ITGA5: variants seen among roughly 807,000 people sequenced by gnomAD.
ITGA5 encodes the protein integrin alpha-5.
ITGA5 carries 55 observed loss-of-function variants against 146.3 expected under a neutral mutation model. The ratio of observed to expected loss-of-function variants is 0.38; its 90% confidence interval spans 0.30 to 0.47. The LOEUF is 0.47. Ranked by LOEUF, ITGA5 falls within the 20% of genes least tolerant of loss-of-function variation. The pLI, the probability that ITGA5 is intolerant of heterozygous loss-of-function variation, is 0.99. For synonymous variants in ITGA5, 500 were observed against 531.8 expected, an observed-to-expected ratio of 0.94 and a Z score of 0.82; for missense variants, 1,131 against 1,329.0, an observed-to-expected ratio of 0.85 and a Z score of 2.32.
rs562290850 is a variant in ITGA5 at position 54,401,838 on chromosome 12, C to T, written c.2244G>A (p.Arg748=). ...KAGASLWGGL[R]FTVPHLRDTK... Reference sequence around the variant, plus strand: ...TGTCCCGGAGATGAGGGACTGTAAACCGAAGGCCACCCCACAGCTGGGGAC... The same window carrying T: ...TGTCCCGGAGATGAGGGACTGTAAATCGAAGGCCACCCCACAGCTGGGGAC... Residue 748 remains arginine (R), a synonymous_variant, in exon 22 of 30, where the codon CGG becomes CGA. Coordinates refer to ENST00000293379, the MANE Select transcript of ITGA5 (RefSeq NM_002205.5). The surrounding 1 kb of genome is among the most constrained non-coding windows in gnomAD (Gnocchi z 5.0). The T allele has an allele frequency of 1.2e-6, 2 of 1,614,142 alleles. No individual in the cohort carries two copies. The highest frequency in any genetic ancestry group is 2.2e-5 in the East Asian group (1 of 44,880).
intron 25 of ITGA5, chr12:54,400,631 CAAA>C (rs1052411256): frequency 1.9e-6 from 1 of 517,210 alleles, no homozygotes; most frequent in Non-Finnish European, 3.4e-6. Context: ...TGCCGGGAAA[CAAA>C]GAAGGGATAG....
intron 1 of ITGA5, among the ~76,000 whole-genome samples, chr12:54,418,516 C>T (rs958608988): frequency 9.9e-5 from 15 of 152,022 alleles, no homozygotes; most frequent in African/African-American, 3.6e-4. Context: ...GTAGCTCATT[C>T]GGCTTCTACC....
At chr12:54,405,827 T>C in intron 10 of ITGA5, 43 bp downstream of exon 10, 1 of 1,606,916 alleles carries the variant, frequency 6.2e-7, no homozygotes, top group East Asian at 2.2e-5. Flanking sequence ...TGGGGCTTCG[T>C]TGACAGAGGC....
intron 28 of ITGA5, among the ~76,000 whole-genome samples, chr12:54,397,951 G>T (rs1955733670): frequency 6.6e-6 from 1 of 150,566 alleles, no homozygotes; most frequent in East Asian, 1.9e-4. Context: ...AGGCTGGAGT[G>T]CAGTGGTGTG....
chr12:54,404,474 A>C lies in ITGA5; in HGVS notation c.1419T>G (p.Asp473Glu), dbSNP rs201235779. Residue 473 changes from aspartate (D) to glutamate (E), a missense_variant and splice_region_variant, in exon 14 of 30, where the codon GAT becomes GAG. By Grantham distance (45) the Asp-to-Glu change is conservative. This residue lies in a region of ITGA5 where 889 missense variants were observed against 1,021.5 expected (regional missense o/e 0.87). Coordinates refer to ENST00000293379, the MANE Select transcript of ITGA5 (RefSeq NM_002205.5). ...CCACACCAAAGGACCCCACAATCAG[A>C]TCTGTAAGAAGTCAAGAAATCACCT... ...GRDLDGNGYP[D>E]LIVGSFGVDK... 2.5e-6 allele frequency: 4 copies of C among 1,614,072 alleles called. No homozygotes were observed. Among genetic ancestry groups the C allele is most frequent in the Non-Finnish European group, 3.4e-6 (4 of 1,180,002 alleles).
intron 6 of ITGA5, among the ~76,000 whole-genome samples, 159 bp downstream of exon 6, chr12:54,408,597 G>A (rs1955898093): frequency 6.6e-6 from 1 of 151,656 alleles, no homozygotes; most frequent in South Asian, 2.1e-4. Flanking sequence ...GCGGTGGCAG[G>A]CGCCTGTAAT....
Position 54,401,362 on chromosome 12 carries a change from T to TC in ITGA5, c.2493+10dup. 6.3e-7 allele frequency: 1 copy of TC among 1,581,634 alleles called. No homozygotes were observed. Among genetic ancestry groups the TC allele is most frequent in the Non-Finnish European group, 8.7e-7 (1 of 1,150,792 alleles). ...CATCATTCATTCTGGCCCTGCCCCT[T>TC]CCCCCCTTACCTCATAGACATGGTG... On this transcript the variant is annotated intron_variant, in intron 24 of 29. Transcript: ENST00000293379. This position sits in a 1 kb window ranked among gnomAD's most constrained non-coding sequence, Gnocchi z 5.0.
chr12:54,395,715 GC>G lies in ITGA5; in HGVS notation c.*577del, dbSNP rs1299712555. On this transcript the variant is annotated 3_prime_UTR_variant, in exon 30 of 30. Coordinates refer to ENST00000293379, the MANE Select transcript of ITGA5 (RefSeq NM_002205.5). ...GATTCCCCTTGGAGCTGGGCTCTGGGCCCTGGGCCAGCATCTATCCTTGTGT... is the reference window on the plus strand; with the variant it reads ...GATTCCCCTTGGAGCTGGGCTCTGGGCCTGGGCCAGCATCTATCCTTGTGT... The G allele has an allele frequency of 4.8e-5, 7 of 146,464 alleles. No individual in the cohort carries two copies. Among genetic ancestry groups the G allele is most frequent in the Middle Eastern group, 3.2e-3 (1 of 314 alleles). 9.1% of individuals were successfully genotyped at this position (146,464 alleles called of 1,614,324 possible).
chr12:54,413,199 G>A (rs960215061), intron 1 of ITGA5: 5 of 152,542 alleles, frequency 3.3e-5, no homozygotes, highest in African/African-American at 1.2e-4. Context: ...TTATGGTAGA[G>A]GTCACAAGAG....
intron 1 of ITGA5, among the ~76,000 whole-genome samples, chr12:54,414,535 A>G (rs755856077): frequency 1.3e-5 from 2 of 151,986 alleles, no homozygotes; most frequent in Non-Finnish European, 2.9e-5. Flanking sequence ...GCAGCTATAG[A>G]TGTTTTTGGT....
intron 1 of ITGA5, among the ~76,000 whole-genome samples, chr12:54,417,102 T>C (rs1163113789): frequency 2.0e-5 from 3 of 151,472 alleles, no homozygotes; most frequent in Non-Finnish European, 4.4e-5. Context: ...TGGGTTCTCT[T>C]GGGAGGGGAG....
chr12:54,405,004 C>A, intron 12 of ITGA5, 110 bp from the exon 13 acceptor site: 1 of 1,194,220 alleles, frequency 8.4e-7, no homozygotes, highest in African/African-American at 1.5e-5. Context: ...CTGTCAGTCC[C>A]TATATTCTAA....
At position 54,402,322 on chromosome 12, in the gene ITGA5, T is replaced by C. The variant is rs1239207772; in HGVS notation, c.1991A>G (p.Asn664Ser). Residue 664 changes from asparagine to serine, a missense_variant, in exon 20 of 30, where the codon AAC becomes AGC. By Grantham distance (46) the Asn-to-Ser change is conservative. Around this residue, in one of 3 missense-constraint regions of ITGA5, gnomAD observed 889 missense variants for 1,021.5 expected, o/e 0.87. Transcript: ENST00000293379. ...ATTCTTGTCACCCAGGTACACATGGTTCTGCTCCCTGGAAGGGACACAGAG... is the reference window on the plus strand; with the variant it reads ...ATTCTTGTCACCCAGGTACACATGGCTCTGCTCCCTGGAAGGGACACAGAG... Reference protein sequence around the residue: ...DLQLEVFGEQNHVYLGDKNAL... With the variant: ...DLQLEVFGEQSHVYLGDKNAL... 1 of 1,612,492 alleles carries C rather than the reference T, an allele frequency of 6.2e-7. No individual in the cohort carries two copies. The highest frequency in any genetic ancestry group is 8.5e-7 in the Non-Finnish European group (1 of 1,179,152).
At position 54,402,232 on chromosome 12, in the gene ITGA5, C is replaced by A. The variant is rs150458044; in HGVS notation, c.2081G>T (p.Arg694Leu). ...GEGGAYEAEL[R>L]VTAPPEAEYS... Reference sequence around the variant, plus strand: ...CTCAGCCTCTGGAGGGGCGGTGACCCGAAGCTCAGCCTCATAGGCGCCACC... The same window carrying A: ...CTCAGCCTCTGGAGGGGCGGTGACCAGAAGCTCAGCCTCATAGGCGCCACC... Residue 694 changes from arginine to leucine, a missense_variant, in exon 20 of 30, where the codon CGG (arginine) becomes CTG (leucine). By Grantham distance (102) the Arg-to-Leu change is moderately radical. Around this residue, in one of 3 missense-constraint regions of ITGA5, gnomAD observed 889 missense variants for 1,021.5 expected, o/e 0.87. Coordinates refer to ENST00000293379, the MANE Select transcript of ITGA5 (RefSeq NM_002205.5). 2 of 1,613,946 alleles carry A rather than the reference C, an allele frequency of 1.2e-6. No homozygotes were observed. The highest frequency in any genetic ancestry group is 2.7e-5 in the African/African-American group (2 of 74,894).
chr12:54,396,116 G>A lies in ITGA5; in HGVS notation c.*177C>T. On this transcript the variant is annotated 3_prime_UTR_variant, in exon 30 of 30. Coordinates refer to ENST00000293379, the MANE Select transcript of ITGA5 (RefSeq NM_002205.5). ...GGTCCTTCACAGTGCATGGGGGGGA[G>A]GGATCCCCAGCTCCTCACCCCCCTG... The A allele has an allele frequency of 1.7e-6, 1 of 592,154 alleles. No individual in the cohort carries two copies. The highest frequency in any genetic ancestry group is 3.0e-6 in the Non-Finnish European group (1 of 330,448). 36.7% of individuals were successfully genotyped at this position (592,154 alleles called of 1,614,324 possible).
In ITGA5 at chr12:54,404,755, G is replaced by C. The variant is rs1313527376; in HGVS notation, c.1365C>G (p.Phe455Leu). ...PLWAASHTPD[F>L]FGSALRGGRD... The stretch of plus-strand genomic sequence containing the variant: ...GGCCTCCTCGAAGGGCAGAGCCAAA[G>C]AAGTCTGGGGTGTGGCTGGCTGCCC... Residue 455 changes from phenylalanine (F) to leucine (L), a missense_variant, in exon 13 of 30, where the codon TTC becomes TTG. By Grantham distance (22) the Phe-to-Leu change is conservative. Around this residue, in one of 3 missense-constraint regions of ITGA5, gnomAD observed 889 missense variants for 1,021.5 expected, o/e 0.87. Coordinates refer to ENST00000293379, the MANE Select transcript of ITGA5 (RefSeq NM_002205.5). 1 of 1,614,174 alleles carries C rather than the reference G, an allele frequency of 6.2e-7. No homozygotes were observed. Among genetic ancestry groups the C allele is most frequent in the Admixed American group, 1.7e-5 (1 of 60,032 alleles).
Position 54,407,552 on chromosome 12 carries a change from T to C in ITGA5, c.906+97A>G, listed in dbSNP as rs985706224. On this transcript the variant is annotated intron_variant, in intron 9 of 29. Transcript: ENST00000293379. ...GCCAGTCTGCCTCCAGAGCCCATGT[T>C]CTGATCCACCTTTTTGAGCCCTTGC... is the stretch of plus-strand genomic sequence containing the variant. 5.3e-5 allele frequency: 54 copies of C among 1,010,580 alleles called. No homozygotes were observed. The Middle Eastern group carries it at 7.5e-4, about 14-fold the overall frequency. 62.6% of individuals were successfully genotyped at this position (1,010,580 alleles called of 1,614,324 possible).
rs1218741397 is a variant in ITGA5 at position 54,401,358 on chromosome 12, C to T, written c.2493+15G>A. Reference sequence around the variant, plus strand: ...TTCCCATCATTCATTCTGGCCCTGCCCCTTCCCCCCTTACCTCATAGACAT... The same window carrying T: ...TTCCCATCATTCATTCTGGCCCTGCTCCTTCCCCCCTTACCTCATAGACAT... On this transcript the variant is annotated intron_variant, in intron 24 of 29. Transcript: ENST00000293379. This position sits in a 1 kb window ranked among gnomAD's most constrained non-coding sequence, Gnocchi z 5.0. The T allele has an allele frequency of 1.3e-6, 2 of 1,565,296 alleles. No homozygotes were observed. Among genetic ancestry groups the T allele is most frequent in the South Asian group, 1.1e-5 (1 of 90,030 alleles).
chr12:54,414,043 G>A (rs1431865720), intron 1 of ITGA5, among the ~76,000 whole-genome samples: 2 of 152,198 alleles, frequency 1.3e-5, no homozygotes, highest in African/African-American at 4.8e-5. Flanking sequence ...AAGCCCACAA[G>A]CCAGGGGCAT....
Sources: allele counts gnomAD v4.1 joint callset (sites outside exome capture counted in the v4.1 genomes callset), GRCh38; gene constraint gnomAD v4.1.1; regional missense constraint gnomAD v4.1.1; non-coding constraint Gnocchi (gnomAD v3.1); transcripts MANE v1.5; gene names NCBI Gene and HGNC (gene_info 2026-07-23, HGNC 2026-07-21).